Variants in SCOC observed in about 807,000 individuals in gnomAD.
The protein encoded by SCOC is short coiled-coil protein, also known as short coiled coil protein.
A neutral mutation model predicts 9.9 loss-of-function variants in SCOC; 7 were observed. The observed-to-expected ratio is 0.71, with a 90% confidence interval of 0.40 to 1.33. The LOEUF (loss-of-function observed/expected upper bound fraction) is 1.33, where lower values mean the gene tolerates loss of function less well. Ranked by LOEUF, SCOC falls within the 40% of genes most tolerant of loss-of-function variation. The pLI is 0.01. For synonymous variants in SCOC, 19 were observed against 28.2 expected, an observed-to-expected ratio of 0.67 and a Z score of 1.03; for missense variants, 66 against 89.7, an observed-to-expected ratio of 0.74 and a Z score of 1.07.
chr4:140,279,272 A>G (rs926302073), intron 1 of SCOC, among the ~76,000 whole-genome samples: 3 of 152,214 alleles, frequency 2.0e-5, no homozygotes, highest in Non-Finnish European at 2.9e-5. Context: ...TCTTTATGAC[A>G]TATTCTCCTA....
At chr4:140,322,152 A>C (rs955656758) in intron 1 of SCOC, among the ~76,000 whole-genome samples, 3 of 152,214 alleles carry the variant, frequency 2.0e-5, no homozygotes, top group Non-Finnish European at 4.4e-5. Flanking sequence ...ATAGTAGTCT[A>C]AAACAGACTA....
intron 2 of SCOC, among the ~76,000 whole-genome samples, chr4:140,354,625 T>C (rs1727129608): frequency 6.6e-6 from 1 of 151,726 alleles, no homozygotes; most frequent in Non-Finnish European, 1.5e-5. Context: ...CGTGTAATCA[T>C]TTGACTGTGA....
intron 1 of SCOC, among the ~76,000 whole-genome samples, chr4:140,258,772 G>A (rs1730566373): frequency 1.3e-5 from 2 of 152,216 alleles, no homozygotes; most frequent in African/African-American, 2.4e-5. Flanking sequence ...ACCAAATCCA[G>A]TGTAGAAACT....
intron 2 of SCOC, among the ~76,000 whole-genome samples, chr4:140,344,014 G>C (rs1229732636): frequency 6.6e-6 from 1 of 152,018 alleles, no homozygotes; most frequent in African/African-American, 2.4e-5. Context: ...CTATAATATC[G>C]CCACATTTTG....
intron 1 of SCOC, among the ~76,000 whole-genome samples, chr4:140,267,636 A>G (rs989917114): frequency 1.6e-4 from 24 of 152,056 alleles, no homozygotes; most frequent in African/African-American, 5.5e-4. Flanking sequence ...CTCCCACTCC[A>G]TTTGTTGCCA....
At chr4:140,331,308 C>T (rs1469433385) in intron 1 of SCOC, among the ~76,000 whole-genome samples, 2 of 152,196 alleles carry the variant, frequency 1.3e-5, no homozygotes, top group Non-Finnish European at 2.9e-5. Context: ...ATTTTCCATC[C>T]TGTTCTCCTC....
rs1346102122 is a variant in SCOC, at chr4:140,384,318, T to A, written c.*3214T>A. The A allele has an allele frequency of 6.6e-6, 1 of 152,206 alleles. No individual in the cohort carries two copies. Among genetic ancestry groups the A allele is most frequent in the Admixed American group, 6.5e-5 (1 of 15,278 alleles). 9.4% of individuals were successfully genotyped at this position (152,206 alleles called of 1,614,324 possible). A position where few individuals can be genotyped will look rare whatever the true frequency, so the allele number is the denominator to read the frequency against. ...GCAATACTTCAGGATAATTTCTTCA[T>A]TAGAAATATAGGTGGTACACAGTGT... On this transcript the variant is annotated 3_prime_UTR_variant, in exon 4 of 4. Coordinates refer to ENST00000608372, the MANE Select transcript of SCOC (RefSeq NM_001153484.2).
At chr4:140,353,309 A>G (rs1215150898) in intron 2 of SCOC, among the ~76,000 whole-genome samples, 1 of 152,200 alleles carries the variant, frequency 6.6e-6, no homozygotes, top group Non-Finnish European at 1.5e-5. Context: ...CTGAAACAAT[A>G]TATCCACCAA....
chr4:140,379,218 A>G (rs752714688), intron 2 of SCOC, 26 bp downstream of exon 2: 7 of 1,456,998 alleles, frequency 4.8e-6, no homozygotes, highest in Admixed American at 1.7e-5. Flanking sequence ...TCTTTTTTGT[A>G]TACTCCTGGT....
At chr4:140,350,392 TTG>T (rs1395329805) in intron 2 of SCOC, among the ~76,000 whole-genome samples, 1 of 152,232 alleles carries the variant, frequency 6.6e-6, no homozygotes, top group Non-Finnish European at 1.5e-5. Flanking sequence ...CTGATAGAAT[TTG>T]TGTGTGTTGG....
At chr4:140,336,643 G>GT (rs1732965670) in intron 1 of SCOC, among the ~76,000 whole-genome samples, 1 of 152,080 alleles carries the variant, frequency 6.6e-6, no homozygotes, top group Non-Finnish European at 1.5e-5. Flanking sequence ...GGGCATTTGG[G>GT]TTTTTTCTAC....
intron 1 of SCOC, among the ~76,000 whole-genome samples, chr4:140,268,427 A>G (rs116652557): frequency 0.018 from 2,797 of 152,338 alleles, 37 homozygotes; most frequent in Non-Finnish European, 0.027. Flanking sequence ...TCTGCTAAGA[A>G]ATGATGATAA....
chr4:140,373,328 C>T, upstream of SCOC: 1 of 1,407,420 alleles, frequency 7.1e-7, no homozygotes, highest in Admixed American at 3.1e-5. Context: ...CACTGGGATT[C>T]TCACTCCAAT....
chr4:140,283,448 A>G (rs1731145352), intron 1 of SCOC, among the ~76,000 whole-genome samples: 1 of 152,156 alleles, frequency 6.6e-6, no homozygotes, highest in South Asian at 2.1e-4. Context: ...TTTTCCTATA[A>G]CACTACAAGC....
intron 1 of SCOC, chr4:140,284,921 G>T (rs1394855443): frequency 4.7e-6 from 1 of 210,750 alleles, no homozygotes; most frequent in African/African-American, 2.3e-5. Context: ...AAAACTAAAT[G>T]AATGCATCAT....
At chr4:140,314,903 G>T (rs1732269060) in intron 1 of SCOC, among the ~76,000 whole-genome samples, 1 of 152,146 alleles carries the variant, frequency 6.6e-6, no homozygotes, top group Non-Finnish European at 1.5e-5. Context: ...TGTGGTTGCT[G>T]AATGTTCCTT....
intron 2 of SCOC, among the ~76,000 whole-genome samples, chr4:140,351,674 C>T (rs1560714609): frequency 6.6e-6 from 1 of 151,928 alleles, no homozygotes; most frequent in Non-Finnish European, 1.5e-5. Flanking sequence ...CTGCTGAAAG[C>T]AGCCCGGGTT....
intron 1 of SCOC, among the ~76,000 whole-genome samples, chr4:140,259,757 C>T (rs1247658882): frequency 2.0e-5 from 3 of 152,158 alleles, no homozygotes; most frequent in Non-Finnish European, 1.5e-5. Flanking sequence ...ACTTACTTAC[C>T]TGTAATCCTC....
chr4:140,290,514 CA>C (rs1254773429), intron 1 of SCOC, among the ~76,000 whole-genome samples: 1 of 152,086 alleles, frequency 6.6e-6, no homozygotes, highest in Non-Finnish European at 1.5e-5. Context: ...TTGGCAGTTT[CA>C]AAAGAACCTG....
Sources: allele counts gnomAD v4.1 joint callset (sites outside exome capture counted in the v4.1 genomes callset), GRCh38; gene constraint gnomAD v4.1.1; transcripts MANE v1.5; gene names NCBI Gene and HGNC (gene_info 2026-07-23, HGNC 2026-07-21).